The following ATP2C1 variants were observed in gnomAD, a reference collection of about 807,000 sequenced individuals.
ATP2C1 encodes calcium-transporting ATPase type 2C member 1.
In ATP2C1, 31 loss-of-function variants were observed where a neutral mutation model predicts 120.5. The ratio of observed to expected loss-of-function variants is 0.26; its 90% confidence interval spans 0.19 to 0.35. The LOEUF (loss-of-function observed/expected upper bound fraction) is 0.35. ATP2C1 is among the 10% of genes least tolerant of loss of function. The pLI is 1.00. For missense variants in ATP2C1, 731 were observed against 1,107.5 expected (o/e 0.66, Z 4.83); for synonymous variants, 351 against 358.7 (o/e 0.98, Z 0.24).
intron 20 of ATP2C1, among the ~76,000 whole-genome samples, chr3:130,991,908 G>A (rs982676233): frequency 6.6e-6 from 1 of 152,198 alleles, no homozygotes; most frequent in African/African-American, 2.4e-5. Flanking sequence ...GGAGGCTAGA[G>A]AAAGGGGATA....
intron 1 of ATP2C1, among the ~76,000 whole-genome samples, chr3:130,870,414 T>C (rs2068394135): frequency 1.3e-5 from 2 of 152,214 alleles, no homozygotes; most frequent in African/African-American, 4.8e-5. Flanking sequence ...AACTGAAAAC[T>C]TTCCAGAGAG....
chr3:130,945,561 C>T (rs1021077100), intron 8 of ATP2C1, among the ~76,000 whole-genome samples: 2 of 144,480 alleles, frequency 1.4e-5, no homozygotes, highest in South Asian at 2.3e-4. Context: ...TTTCCAACCC[C>T]GTGTCCAAGT....
intron 1 of ATP2C1, among the ~76,000 whole-genome samples, chr3:130,864,301 T>C (rs1279100132): frequency 6.6e-6 from 1 of 152,180 alleles, no homozygotes; most frequent in African/African-American, 2.4e-5. Flanking sequence ...ATTTAGGGTA[T>C]CTGACAGAAA....
chr3:130,980,528 C>A, intron 19 of ATP2C1, 54 bp from the exon 20 acceptor site: 1 of 1,286,558 alleles, frequency 7.8e-7, no homozygotes, highest in Non-Finnish European at 1.1e-6. Flanking sequence ...CGTTGACTAG[C>A]CTGTCAAGCA....
intron 1 of ATP2C1, among the ~76,000 whole-genome samples, chr3:130,873,402 G>A (rs1483808421): frequency 2.6e-5 from 4 of 152,136 alleles, no homozygotes; most frequent in South Asian, 4.2e-4. Context: ...TGCTTACTTC[G>A]CAATGTTTTG....
intron 1 of ATP2C1, among the ~76,000 whole-genome samples, chr3:130,853,688 A>G (rs2067748418): frequency 6.6e-6 from 1 of 152,086 alleles, no homozygotes; most frequent in Non-Finnish European, 1.5e-5. Flanking sequence ...TTTCCAAGAT[A>G]TTTTGTTTGC....
chr3:130,894,305 C>G lies in ATP2C1; in HGVS notation c.-213C>G, dbSNP rs1049555524. On this transcript the variant is annotated 5_prime_UTR_variant, in exon 1 of 28. Coordinates refer to ENST00000510168, the MANE Select transcript of ATP2C1 (RefSeq NM_001378687.1). This position sits in a 1 kb window ranked among gnomAD's most constrained non-coding sequence, Gnocchi z 4.5. ...CCCGCGAGCCCCGCGGCTGAGACCC[C>G]GCAGCCTGGAGGAGGGCTGTCCGGG... The G allele has an allele frequency of 1.0e-5, 10 of 987,498 alleles. No homozygotes were observed. The African/African-American group carries it at 1.6e-4, about 16-fold the overall frequency. The allele number at this position is 987,498 out of a possible 1,614,324, so 61.2% of individuals were successfully genotyped here.
At chr3:130,902,672 C>T (rs956387236) in intron 2 of ATP2C1, among the ~76,000 whole-genome samples, 1 of 151,906 alleles carries the variant, frequency 6.6e-6, no homozygotes, top group Admixed American at 6.6e-5. Context: ...CCTCCTATGT[C>T]TATTGCCTTT....
At chr3:130,959,482 C>A in intron 12 of ATP2C1, 141 bp downstream of exon 12, 1 of 550,360 alleles carries the variant, frequency 1.8e-6, no homozygotes, top group Non-Finnish European at 3.3e-6. Context: ...GTTCAGAAGT[C>A]ATATATTAAA....
chr3:130,989,863 T>G (rs2062234602), intron 20 of ATP2C1, among the ~76,000 whole-genome samples: 2 of 152,136 alleles, frequency 1.3e-5, no homozygotes, highest in African/African-American at 4.8e-5. Context: ...GTAATTAGAG[T>G]TTTCACTTGG....
chr3:130,854,716 A>G (rs1019536360), intron 1 of ATP2C1, among the ~76,000 whole-genome samples: 4 of 152,214 alleles, frequency 2.6e-5, no homozygotes. Flanking sequence ...TGGGCTACAT[A>G]TGGGTGCTAG....
chr3:130,940,750 C>CTT (rs2108441951), intron 7 of ATP2C1, 59 bp downstream of exon 7: 1 of 1,240,412 alleles, frequency 8.1e-7, no homozygotes, highest in Non-Finnish European at 1.2e-6. Flanking sequence ...TTGAATGTGA[C>CTT]TAGTACCGTA....
At position 130,940,649 on chromosome 3, in the gene ATP2C1, C is replaced by A. The variant is rs370168782; in HGVS notation, c.380C>A (p.Ser127Tyr). Residue 127 changes from serine (S) to tyrosine (Y), a missense_variant, in exon 7 of 28, where the codon TCT (serine) becomes TAT (tyrosine). Ser to Tyr is a moderately radical substitution (Grantham distance 144). Coordinates refer to ENST00000510168, the MANE Select transcript of ATP2C1 (RefSeq NM_001378687.1). ...AFVQEYRSEK[S>Y]LEELSKLVPP... ...GAATAGGAATATCGTTCAGAAAAATCTCTTGAAGAATTGAGTAAACTTGTG... is the reference window on the plus strand; with the variant it reads ...GAATAGGAATATCGTTCAGAAAAATATCTTGAAGAATTGAGTAAACTTGTG... 9.9e-6 allele frequency: 16 copies of A among 1,612,096 alleles called. No homozygotes were observed. Among genetic ancestry groups the A allele is most frequent in the Non-Finnish European group, 1.4e-5 (16 of 1,178,532 alleles).
intron 26 of ATP2C1, among the ~76,000 whole-genome samples, chr3:131,013,219 G>T (rs2109044983): frequency 6.6e-6 from 1 of 152,288 alleles, no homozygotes; most frequent in African/African-American, 2.4e-5. Flanking sequence ...ATTTTCCAGA[G>T]CAGTACCTTT....
At chr3:130,994,673 G>T (rs529767737) in intron 22 of ATP2C1, among the ~76,000 whole-genome samples, 1 of 151,076 alleles carries the variant, frequency 6.6e-6, no homozygotes, top group Non-Finnish European at 1.5e-5. Context: ...TTATTTTTTT[G>T]GTAGCTACCT....
chr3:131,014,250 G>A (rs1278514451), intron 26 of ATP2C1: 5 of 1,613,696 alleles, frequency 3.1e-6, no homozygotes, highest in Non-Finnish European at 4.2e-6. Context: ...TATTTCAGCG[G>A]GGGCATATGA....
At chr3:130,970,971 A>G (rs969042151) in intron 17 of ATP2C1, among the ~76,000 whole-genome samples, 1 of 152,224 alleles carries the variant, frequency 6.6e-6, no homozygotes, top group Non-Finnish European at 1.5e-5. Flanking sequence ...AGGAACTTTT[A>G]CAAGCTTAGG....
At chr3:130,856,300 A>C (rs1201366618) in intron 1 of ATP2C1, 1 of 152,172 alleles carries the variant, frequency 6.6e-6, no homozygotes, top group Non-Finnish European at 1.5e-5. Flanking sequence ...AATTTTAGAA[A>C]CTTATTTCTG....
chr3:131,014,033 A>G (rs368694433), intron 26 of ATP2C1: 11 of 1,488,438 alleles, frequency 7.4e-6, no homozygotes, highest in Non-Finnish European at 1.0e-5. Context: ...TATTAAATAC[A>G]TCTAGTTTGA....
Sources: gnomAD v4.1 joint callset for allele counts (sites outside exome capture counted in the v4.1 genomes callset) on GRCh38, gnomAD v4.1.1 for gene constraint, Gnocchi (gnomAD v3.1) non-coding constraint, MANE v1.5 for transcripts, NCBI Gene and HGNC (gene_info 2026-07-23, HGNC 2026-07-21) for gene names.